CCNI2: variants seen among roughly 807,000 people sequenced by gnomAD.
CCNI2 encodes the protein cyclin I family member 2.
CCNI2 carries 32 observed loss-of-function variants against 33.2 expected under a neutral mutation model. The observed-to-expected ratio is 0.96, with a 90% confidence interval of 0.73 to 1.30. The LOEUF is 1.30. CCNI2 is among the 50% of genes most tolerant of loss of function. CCNI2 has a pLI of 0.00. For missense variants in CCNI2, 452 were observed against 486.2 expected (o/e 0.93, Z 0.66); for synonymous variants, 231 against 219.9 (o/e 1.05, Z -0.45).
Position 132,747,642 on chromosome 5 carries a change from C to T in CCNI2, c.147C>T (p.Pro49=). 2.0e-6 allele frequency: 3 copies of T among 1,504,020 alleles called. No homozygotes were observed. Among genetic ancestry groups the T allele is most frequent in the Non-Finnish European group, 2.6e-6 (3 of 1,133,332 alleles). 93.2% of individuals were successfully genotyped at this position (1,504,020 alleles called of 1,614,324 possible). ...LPPSPGEAPL[P]RSNRSRCPGT... is the part of the protein sequence containing the mutation. The stretch of plus-strand genomic sequence containing the variant: ...CGTCTCCGGGGGAGGCCCCTCTGCC[C>T]CGAAGCAACCGGAGCAGGTGCCCTG... The change falls in exon 1 of 6, where the codon CCC becomes CCT. Residue 49 remains proline, a synonymous_variant. Transcript: ENST00000378731. This position sits in a 1 kb window ranked among gnomAD's most constrained non-coding sequence, Gnocchi z 4.1.
intron 2 of CCNI2, 140 bp downstream of exon 2, chr5:132,748,615 G>C: frequency 1.9e-6 from 2 of 1,033,054 alleles, no homozygotes; most frequent in Non-Finnish European, 2.8e-6. Flanking sequence ...TGGAAGAGCT[G>C]GTGTTGGAAC....
Position 132,747,546 on chromosome 5 carries a change from C to A in CCNI2, c.51C>A (p.Ser17Arg), listed in dbSNP as rs1464068018. 1 of 1,505,584 alleles carries A rather than the reference C, an allele frequency of 6.6e-7. No individual in the cohort carries two copies. The highest frequency in any genetic ancestry group is 8.8e-7 in the Non-Finnish European group (1 of 1,134,086). The allele number at this position is 1,505,584 out of a possible 1,614,324, so 93.3% of individuals were successfully genotyped here. ...LPPQPSSSEV[S>R]AVQSPGGRPG... is the part of the protein sequence containing the mutation. ...CGCAGCCGTCGAGCTCAGAGGTCAG[C>A]GCCGTCCAGAGCCCAGGCGGGCGTC... The change falls in exon 1 of 6, where the codon AGC becomes AGA. Residue 17 changes from serine (S) to arginine (R), a missense_variant. By Grantham distance (110) the Ser-to-Arg change is moderately radical (BLOSUM62 -1). Coordinates refer to ENST00000378731, the MANE Select transcript of CCNI2 (RefSeq NM_001039780.4). The surrounding 1 kb of genome is among the most constrained non-coding windows in gnomAD (Gnocchi z 4.1).
intron 2 of CCNI2, 78 bp downstream of exon 2, chr5:132,748,553 T>C: frequency 1.9e-6 from 3 of 1,565,842 alleles, no homozygotes; most frequent in Non-Finnish European, 2.6e-6. Context: ...GCTTGAGAGG[T>C]GAGGGTTTCC....
In CCNI2 at chr5:132,753,074, G is replaced by T; in HGVS notation, c.*104G>T. 2 of 939,236 alleles carry T rather than the reference G, an allele frequency of 2.1e-6. No homozygotes were observed. The highest frequency in any genetic ancestry group is 2.9e-5 in the South Asian group (2 of 67,806). The allele number at this position is 939,236 out of a possible 1,614,324, so 58.2% of individuals were successfully genotyped here. On this transcript the variant is annotated 3_prime_UTR_variant, in exon 6 of 6. Coordinates refer to ENST00000378731, the MANE Select transcript of CCNI2 (RefSeq NM_001039780.4). ...GTTATGAATCCTGTAAAAAGGGAAGGTGGCTCTGGAAGAGCAACTGAGAAA... is the reference window on the plus strand; with the variant it reads ...GTTATGAATCCTGTAAAAAGGGAAGTTGGCTCTGGAAGAGCAACTGAGAAA...
At chr5:132,754,903 C>T (rs1755195201), downstream of CCNI2, among the ~76,000 whole-genome samples, 2 of 152,164 alleles carry the variant, frequency 1.3e-5, no homozygotes, top group African/African-American at 4.8e-5. Flanking sequence ...GAGGCAGATG[C>T]TATGGCAGAA....
intron 4 of CCNI2, chr5:132,751,557 A>T (rs1258122359): frequency 2.2e-5 from 5 of 231,172 alleles, no homozygotes; most frequent in Non-Finnish European, 4.2e-5. Context: ...ATGAAGCATG[A>T]AGATTAAATT....
chr5:132,751,917 G>C, intron 4 of CCNI2, 49 bp from the exon 5 acceptor site: 1 of 1,547,114 alleles, frequency 6.5e-7, no homozygotes, highest in Non-Finnish European at 8.8e-7. Context: ...CATTGATATA[G>C]GAAAAGTATG....
intron 5 of CCNI2, 93 bp from the exon 6 acceptor site, chr5:132,752,773 A>G (rs1479440431): frequency 9.4e-7 from 1 of 1,069,256 alleles, no homozygotes; most frequent in South Asian, 1.4e-5. Flanking sequence ...ACCTTCCTGA[A>G]CTTGCTTCAT....
Position 132,752,863 on chromosome 5 carries a change from C to T in CCNI2, c.1006-3C>T. 1 of 1,612,498 alleles carries T rather than the reference C, an allele frequency of 6.2e-7. No homozygotes were observed. The highest frequency in any genetic ancestry group is 1.1e-5 in the South Asian group (1 of 90,998). On this transcript the variant is annotated splice_polypyrimidine_tract_variant and splice_region_variant and intron_variant, in intron 5 of 5. Coordinates refer to ENST00000378731, the MANE Select transcript of CCNI2 (RefSeq NM_001039780.4). ...TGAAGATGGCCACTCTATTCTAATACAGGTTGGTGATATGCAGTACAGCTG... is the reference window on the plus strand; with the variant it reads ...TGAAGATGGCCACTCTATTCTAATATAGGTTGGTGATATGCAGTACAGCTG...
chr5:132,748,224 T>G, intron 1 of CCNI2, 123 bp from the exon 2 acceptor site: 2 of 1,346,898 alleles, frequency 1.5e-6, no homozygotes, highest in Non-Finnish European at 2.0e-6. Context: ...CCAGCGGGCA[T>G]GCAGAGGAAG....
In CCNI2 at chr5:132,747,695, T is replaced by A; in HGVS notation, c.200T>A (p.Leu67His). The A allele has an allele frequency of 6.7e-7, 1 of 1,497,236 alleles. No individual in the cohort carries two copies. Among genetic ancestry groups the A allele is most frequent in the Non-Finnish European group, 8.8e-7 (1 of 1,130,746 alleles). 92.7% of individuals were successfully genotyped at this position (1,497,236 alleles called of 1,614,324 possible). The part of the protein sequence containing the change: ...PGTRQPGAAS[L>H]HAASAAVPVR... ...ACCCGCCAGCCCGGAGCGGCCTCCC[T>A]CCACGCGGCGTCCGCAGCAGTCCCC... The change falls in exon 1 of 6, where the codon CTC (leucine) becomes CAC (histidine). Residue 67 changes from leucine to histidine, a missense_variant. By Grantham distance (99) the Leu-to-His change is moderately conservative. Coordinates refer to ENST00000378731, the MANE Select transcript of CCNI2 (RefSeq NM_001039780.4). The surrounding 1 kb of genome is among the most constrained non-coding windows in gnomAD (Gnocchi z 4.1).
Position 132,747,741 on chromosome 5 carries a change from G to T in CCNI2, c.246G>T (p.Thr82=). ...AAVPVRPRRG[T]APAGKTADAV... is the part of the protein sequence containing the mutation. ...TCCCCGTGCGGCCCCGGCGCGGTACGGCGCCAGCCGGGAAAACCGCAGACG... is the reference window on the plus strand; with the variant it reads ...TCCCCGTGCGGCCCCGGCGCGGTACTGCGCCAGCCGGGAAAACCGCAGACG... Residue 82 remains threonine, a synonymous_variant, in exon 1 of 6, where the codon ACG becomes ACT. Transcript: ENST00000378731. The surrounding 1 kb of genome is among the most constrained non-coding windows in gnomAD (Gnocchi z 4.1). The T allele has an allele frequency of 6.8e-7, 1 of 1,469,810 alleles. No homozygotes were observed. Among genetic ancestry groups the T allele is most frequent in the Non-Finnish European group, 8.9e-7 (1 of 1,119,100 alleles). 91.0% of individuals were successfully genotyped at this position (1,469,810 alleles called of 1,614,324 possible). A position where few individuals can be genotyped will look rare whatever the true frequency, so the allele number is the denominator to read the frequency against.
In CCNI2 at chr5:132,750,837, T is replaced by C. The variant is rs1349356119; in HGVS notation, c.634-20T>C. 8 of 1,611,860 alleles carry C rather than the reference T, an allele frequency of 5.0e-6. No individual in the cohort carries two copies. Among genetic ancestry groups the C allele is most frequent in the Non-Finnish European group, 6.8e-6 (8 of 1,179,360 alleles). ...TATGACATGATGTAGGGCTTTGGCC[T>C]CTTTATTTTCTTTTTACAGTTTATT... On this transcript the variant is annotated intron_variant, in intron 3 of 5. Coordinates refer to ENST00000378731, the MANE Select transcript of CCNI2 (RefSeq NM_001039780.4).
rs368393340 is a variant in CCNI2, at chr5:132,749,149, A to G, written c.559-199A>G. 9.9e-5 allele frequency among the ~76,000 whole-genome samples: 15 copies of G among 152,252 alleles called. No homozygotes were observed. The East Asian group carries it at 2.9e-3, about 29-fold the overall frequency. On this transcript the variant is annotated intron_variant, in intron 2 of 5. Transcript: ENST00000378731. ...CCCGCCCCTATAGTCCTAGCTACTC[A>G]GGAGGCTGTGACAGGAGAATCGCTC...
At position 132,752,955 on chromosome 5, in the gene CCNI2, G is replaced by A; in HGVS notation, c.1095G>A (p.Val365=). 6.2e-7 allele frequency: 1 copy of A among 1,614,016 alleles called. No homozygotes were observed. Among genetic ancestry groups the A allele is most frequent in the Non-Finnish European group, 8.5e-7 (1 of 1,179,980 alleles). ...LQSSSCTDNF[V]SPAN ...CATCCTCCTGCACAGACAACTTTGTGTCACCTGCCAACTAGCCCCTCTGCC... is the reference window on the plus strand; with the variant it reads ...CATCCTCCTGCACAGACAACTTTGTATCACCTGCCAACTAGCCCCTCTGCC... The change falls in exon 6 of 6, where the codon GTG becomes GTA. Residue 365 remains valine, a synonymous_variant. Coordinates refer to ENST00000378731, the MANE Select transcript of CCNI2 (RefSeq NM_001039780.4).
At chr5:132,751,110 C>T in intron 4 of CCNI2, 113 bp downstream of exon 4, 1 of 1,233,620 alleles carries the variant, frequency 8.1e-7, no homozygotes, top group Non-Finnish European at 1.1e-6. Flanking sequence ...TGCACATGCA[C>T]CACAGTGAGG....
chr5:132,748,013 C>A, intron 1 of CCNI2, 89 bp downstream of exon 1: 1 of 1,289,992 alleles, frequency 7.8e-7, no homozygotes. Context: ...TGTTCTGAAA[C>A]TGGAGGCCGG....
rs1406508257 is a variant in CCNI2, at chr5:132,752,855, T to C, written c.1006-11T>C. Reference sequence around the variant, plus strand: ...GTTCTGCTTGAAGATGGCCACTCTATTCTAATACAGGTTGGTGATATGCAG... The same window carrying C: ...GTTCTGCTTGAAGATGGCCACTCTACTCTAATACAGGTTGGTGATATGCAG... On this transcript the variant is annotated splice_polypyrimidine_tract_variant and intron_variant, in intron 5 of 5. Coordinates refer to ENST00000378731, the MANE Select transcript of CCNI2 (RefSeq NM_001039780.4). 6.2e-7 allele frequency: 1 copy of C among 1,611,128 alleles called. No individual in the cohort carries two copies. The highest frequency in any genetic ancestry group is 8.5e-7 in the Non-Finnish European group (1 of 1,177,566).
At chr5:132,748,002 G>A (rs1754661379) in intron 1 of CCNI2, 78 bp downstream of exon 1, 4 of 1,329,572 alleles carry the variant, frequency 3.0e-6, no homozygotes, top group South Asian at 3.6e-5. Context: ...CCGCGCTCGG[G>A]TGTTCTGAAA....
Sources: allele counts gnomAD v4.1 joint callset (sites outside exome capture counted in the v4.1 genomes callset), GRCh38; gene constraint gnomAD v4.1.1; non-coding constraint Gnocchi (gnomAD v3.1); transcripts MANE v1.5; gene names NCBI Gene and HGNC (gene_info 2026-07-23, HGNC 2026-07-21).